Variants in POM121L12 observed in about 807,000 individuals in gnomAD.
POM121L12 encodes the protein POM121-like protein 12.
For synonymous variants in POM121L12, 251 were observed against 179.2 expected (o/e 1.40, Z -3.20); for missense variants, 553 against 409.2 (o/e 1.35, Z -3.03).
the POM121L12 span, chr7:53,036,137 C>T: frequency 1.2e-6 from 2 of 1,611,060 alleles, no homozygotes; most frequent in East Asian, 2.2e-5. Flanking sequence ...ATCCCCTGGA[C>T]AGAGAGCCCG....
At position 53,036,492 on chromosome 7, in the gene POM121L12, C is replaced by T. The variant is rs1787560502; in HGVS notation, c.821C>T (p.Ser274Phe). ...IWDFWEATTP[S>F]CGSCSRVSFA... The stretch of plus-strand genomic sequence containing the variant: ...GACTTCTGGGAGGCGACAACGCCTT[C>T]CTGCGGCAGCTGCAGTAGGGTCTCC... Residue 274 changes from serine to phenylalanine, a missense_variant, in exon 1 of 1, where the codon TCC (serine) becomes TTC (phenylalanine). Physicochemically the swap from Ser to Phe is radical, Grantham distance 155. Transcript: ENST00000408890. The T allele has an allele frequency of 1.9e-6, 3 of 1,613,992 alleles. No individual in the cohort carries two copies. The highest frequency in any genetic ancestry group is 4.5e-5 in the East Asian group (2 of 44,882).
rs1043821644 is a variant in POM121L12, at chr7:53,036,134, G to A, written c.463G>A (p.Gly155Arg). The A allele has an allele frequency of 2.5e-6, 4 of 1,611,090 alleles. No individual in the cohort carries two copies. In the South Asian group the frequency reaches 3.3e-5, roughly 13 times the overall value. Residue 155 changes from glycine (G) to arginine (R), a missense_variant, in exon 1 of 1, where the codon GGA becomes AGA. Coordinates refer to ENST00000408890, the MANE Select transcript of POM121L12 (RefSeq NM_182595.4). ...ERQESPWRSP[G>R]QRARPAGRPA... ...TCAGGAGAGCCCCTGGAGATCCCCTGGACAGAGAGCCCGCCCCGCAGGCCG... is the reference window on the plus strand; with the variant it reads ...TCAGGAGAGCCCCTGGAGATCCCCTAGACAGAGAGCCCGCCCCGCAGGCCG...
At position 53,036,750 on chromosome 7, in the gene POM121L12, T is replaced by A; in HGVS notation, c.*188T>A. On this transcript the variant is annotated 3_prime_UTR_variant, in exon 1 of 1. Transcript: ENST00000408890. ...CCTGCCACCCCAGCAGCTGTTGATTTCAGAACCCTTGCCTTCGCCCTGCTG... is the reference window on the plus strand; with the variant it reads ...CCTGCCACCCCAGCAGCTGTTGATTACAGAACCCTTGCCTTCGCCCTGCTG... 1.6e-6 allele frequency: 1 copy of A among 633,934 alleles called. No individual in the cohort carries two copies. The highest frequency in any genetic ancestry group is 2.7e-6 in the Non-Finnish European group (1 of 367,854). 39.3% of individuals were successfully genotyped at this position (633,934 alleles called of 1,614,324 possible). A position where few individuals can be genotyped will look rare whatever the true frequency, so the allele number is the denominator to read the frequency against.
rs753041771 is a variant in POM121L12 at position 53,035,803 on chromosome 7, A to G, written c.132A>G (p.Pro44=). The stretch of plus-strand genomic sequence containing the variant: ...CACCCAGCACGCCCCAGACCACGCC[A>G]TCTCCCCAGGGTCGCCAGAGTCCCT... ...SRSPSTPQTT[P]SPQGRQSPWP... Residue 44 remains proline (P), a synonymous_variant, in exon 1 of 1, where the codon CCA becomes CCG. Transcript: ENST00000408890. 1.2e-6 allele frequency: 2 copies of G among 1,613,630 alleles called. No homozygotes were observed. The highest frequency in any genetic ancestry group is 2.2e-5 in the South Asian group (2 of 91,066).
Position 53,036,592 on chromosome 7 carries a change from G to C in POM121L12, c.*30G>C. The C allele has an allele frequency of 6.4e-7, 1 of 1,568,704 alleles. No individual in the cohort carries two copies. The highest frequency in any genetic ancestry group is 8.6e-7 in the Non-Finnish European group (1 of 1,158,506). On this transcript the variant is annotated 3_prime_UTR_variant, in exon 1 of 1. Coordinates refer to ENST00000408890, the MANE Select transcript of POM121L12 (RefSeq NM_182595.4). ...CTGGGCTCTGCTACCCACCTCCGGA[G>C]ACACAAGCCCACGTATCTACTTTCA...
In POM121L12 at chr7:53,036,035, G is replaced by A. The variant is rs148025564; in HGVS notation, c.364G>A (p.Gly122Arg). 1.9e-6 allele frequency: 3 copies of A among 1,612,964 alleles called. No homozygotes were observed. Among genetic ancestry groups the A allele is most frequent in the Non-Finnish European group, 2.5e-6 (3 of 1,179,876 alleles). Residue 122 changes from glycine (G) to arginine (R), a missense_variant, in exon 1 of 1, where the codon GGG becomes AGG. Coordinates refer to ENST00000408890, the MANE Select transcript of POM121L12 (RefSeq NM_182595.4). ...LSCAWEGCMK[G>R]GLCRAWNPGR... is the part of the protein sequence containing the mutation. Reference sequence around the variant, plus strand: ...CTGTGCCTGGGAGGGTTGCATGAAAGGGGGGCTGTGTCGTGCCTGGAACCC... The same window carrying A: ...CTGTGCCTGGGAGGGTTGCATGAAAAGGGGGCTGTGTCGTGCCTGGAACCC...
Position 53,036,487 on chromosome 7 carries a change from G to A in POM121L12, c.816G>A (p.Thr272=), listed in dbSNP as rs184306248. The part of the protein sequence containing the change: ...SAIWDFWEAT[T]PSCGSCSRVS... Reference sequence around the variant, plus strand: ...TCTGGGACTTCTGGGAGGCGACAACGCCTTCCTGCGGCAGCTGCAGTAGGG... The same window carrying A: ...TCTGGGACTTCTGGGAGGCGACAACACCTTCCTGCGGCAGCTGCAGTAGGG... The change falls in exon 1 of 1, where the codon ACG becomes ACA. Residue 272 remains threonine (T), a synonymous_variant. Transcript: ENST00000408890. 2,447 of 1,613,870 alleles carry A rather than the reference G, an allele frequency of 1.5e-3. 5 individuals are homozygous for A. The highest frequency in any genetic ancestry group is 1.2e-3 in the Non-Finnish European group (1,450 of 1,180,008).
chr7:53,036,100 C>G lies in POM121L12; in HGVS notation c.429C>G (p.Pro143=). The G allele has an allele frequency of 6.2e-7, 1 of 1,612,314 alleles. No homozygotes were observed. Among genetic ancestry groups the G allele is most frequent in the Non-Finnish European group, 8.5e-7 (1 of 1,179,794 alleles). Residue 143 remains proline (P), a synonymous_variant, in exon 1 of 1, where the codon CCC becomes CCG. Transcript: ENST00000408890. ...TWSPVTIGIA[P]PERQESPWRS... is the part of the protein sequence containing the mutation. Reference sequence around the variant, plus strand: ...GCCCGGTGACCATCGGGATCGCGCCCCCTGAGCGTCAGGAGAGCCCCTGGA... The same window carrying G: ...GCCCGGTGACCATCGGGATCGCGCCGCCTGAGCGTCAGGAGAGCCCCTGGA...
Position 53,036,624 on chromosome 7 carries a change from C to T in POM121L12, c.*62C>T. 1.3e-6 allele frequency: 2 copies of T among 1,515,570 alleles called. No individual in the cohort carries two copies. The highest frequency in any genetic ancestry group is 2.6e-5 in the South Asian group (2 of 77,708). The allele number at this position is 1,515,570 out of a possible 1,614,324, so 93.9% of individuals were successfully genotyped here. On this transcript the variant is annotated 3_prime_UTR_variant, in exon 1 of 1. Transcript: ENST00000408890. Reference sequence around the variant, plus strand: ...GCCCACGTATCTACTTTCACTTGCTCATCCTTGCTCTACCTCAACGTGGGG... The same window carrying T: ...GCCCACGTATCTACTTTCACTTGCTTATCCTTGCTCTACCTCAACGTGGGG...
rs758862933 is a variant in POM121L12, at chr7:53,035,691, C to G, written c.20C>G (p.Ala7Gly). Residue 7 changes from alanine to glycine, a missense_variant, in exon 1 of 1, where the codon GCC (alanine) becomes GGC (glycine). Physicochemically the swap from Ala to Gly is moderately conservative, Grantham distance 60. Coordinates refer to ENST00000408890, the MANE Select transcript of POM121L12 (RefSeq NM_182595.4). ...CCAGCCATGGGCGCTGCAGCTCCGG[C>G]CGAGTCCGCAGACCTCGGGAACTTC... MGAAAP[A>G]ESADLGNFWK... 1.2e-5 allele frequency: 19 copies of G among 1,593,364 alleles called. No homozygotes were observed. The highest frequency in any genetic ancestry group is 1.5e-5 in the Non-Finnish European group (18 of 1,170,430).
rs779399045 is a variant in POM121L12, at chr7:53,036,143, G to C, written c.472G>C (p.Ala158Pro). ...CCCCTGGAGATCCCCTGGACAGAGAGCCCGCCCCGCAGGCCGCCCCGCCGC... is the reference window on the plus strand; with the variant it reads ...CCCCTGGAGATCCCCTGGACAGAGACCCCGCCCCGCAGGCCGCCCCGCCGC... ...ESPWRSPGQR[A>P]RPAGRPAAQE... The change falls in exon 1 of 1, where the codon GCC becomes CCC. Residue 158 changes from alanine (A) to proline (P), a missense_variant. Physicochemically the swap from Ala to Pro is conservative, Grantham distance 27 (BLOSUM62 -1). Transcript: ENST00000408890. 3.1e-6 allele frequency: 5 copies of C among 1,610,930 alleles called. No homozygotes were observed. The South Asian group carries it at 3.3e-5, about 11-fold the overall frequency.
rs916941544 is a variant in POM121L12 at position 53,036,217 on chromosome 7, C to A, written c.546C>A (p.Leu182=). 1.4e-5 allele frequency: 22 copies of A among 1,613,290 alleles called. No homozygotes were observed. The highest frequency in any genetic ancestry group is 1.9e-5 in the Non-Finnish European group (22 of 1,179,836). The change falls in exon 1 of 1, where the codon CTC becomes CTA. Residue 182 remains leucine, a synonymous_variant. Transcript: ENST00000408890. ...CCCGGGAGACTCTGCTGGGGGCGCTCAGCCAGTGCCCCAAGGGAAGCGCTA... is the reference window on the plus strand; with the variant it reads ...CCCGGGAGACTCTGCTGGGGGCGCTAAGCCAGTGCCCCAAGGGAAGCGCTA... ...PCTRETLLGA[L]SQCPKGSARF...
At position 53,036,670 on chromosome 7, in the gene POM121L12, A is replaced by G; in HGVS notation, c.*108A>G. ...TGGGGCCCTGACACCACGTTATCAAACATGCAGCCCCCACACCCCTCGTCT... is the reference window on the plus strand; with the variant it reads ...TGGGGCCCTGACACCACGTTATCAAGCATGCAGCCCCCACACCCCTCGTCT... On this transcript the variant is annotated 3_prime_UTR_variant, in exon 1 of 1. Transcript: ENST00000408890. 1 of 1,244,560 alleles carries G rather than the reference A, an allele frequency of 8.0e-7. No homozygotes were observed. The highest frequency in any genetic ancestry group is 2.4e-5 in the Admixed American group (1 of 41,858). 77.1% of individuals were successfully genotyped at this position (1,244,560 alleles called of 1,614,324 possible).
Position 53,036,577 on chromosome 7 carries a change from C to A in POM121L12, c.*15C>A. 4.4e-6 allele frequency: 7 copies of A among 1,588,068 alleles called. No individual in the cohort carries two copies. Among genetic ancestry groups the A allele is most frequent in the Non-Finnish European group, 6.0e-6 (7 of 1,167,518 alleles). On this transcript the variant is annotated 3_prime_UTR_variant, in exon 1 of 1. Coordinates refer to ENST00000408890, the MANE Select transcript of POM121L12 (RefSeq NM_182595.4). ...TTGGCTCCTAAGAATCTGGGCTCTG[C>A]TACCCACCTCCGGAGACACAAGCCC... is the stretch of plus-strand genomic sequence containing the variant.
chr7:53,036,402 G>A lies in POM121L12; in HGVS notation c.731G>A (p.Ser244Asn), dbSNP rs1787557801. 3.7e-6 allele frequency: 6 copies of A among 1,613,778 alleles called. No individual in the cohort carries two copies. The highest frequency in any genetic ancestry group is 5.1e-6 in the Non-Finnish European group (6 of 1,180,006). ...CTGAAGCCGAGCCTCGGCCCCTGGA[G>A]CCTCAGTTTTTGTGATGATGCTTGG... ...GPLKPSLGPWSLSFCDDAWPS... is the reference protein window; with the variant it reads ...GPLKPSLGPWNLSFCDDAWPS... Residue 244 changes from serine to asparagine, a missense_variant, in exon 1 of 1, where the codon AGC (serine) becomes AAC (asparagine). By Grantham distance (46) the Ser-to-Asn change is conservative. Transcript: ENST00000408890.
rs2116357608 is a variant in POM121L12, at chr7:53,036,403, C to T, written c.732C>T (p.Ser244=). The T allele has an allele frequency of 6.2e-7, 1 of 1,613,830 alleles. No individual in the cohort carries two copies. Among genetic ancestry groups the T allele is most frequent in the Non-Finnish European group, 8.5e-7 (1 of 1,180,026 alleles). The change falls in exon 1 of 1, where the codon AGC becomes AGT. Residue 244 remains serine (S), a synonymous_variant. Coordinates refer to ENST00000408890, the MANE Select transcript of POM121L12 (RefSeq NM_182595.4). The stretch of plus-strand genomic sequence containing the variant: ...TGAAGCCGAGCCTCGGCCCCTGGAG[C>T]CTCAGTTTTTGTGATGATGCTTGGC... The part of the protein sequence containing the change: ...GPLKPSLGPW[S]LSFCDDAWPS...
Position 53,035,836 on chromosome 7 carries a change from G to C in POM121L12, c.165G>C (p.Leu55=), listed in dbSNP as rs374979505. 4.3e-6 allele frequency: 7 copies of C among 1,613,534 alleles called. No individual in the cohort carries two copies. In the African/African-American group the frequency reaches 8.0e-5, roughly 18 times the overall value. Residue 55 remains leucine (L), a synonymous_variant, in exon 1 of 1, where the codon CTG becomes CTC. Transcript: ENST00000408890. ...AGGGTCGCCAGAGTCCCTGGCCCCTGAGGTCCCTGACTCAGAGCCATATTC... is the reference window on the plus strand; with the variant it reads ...AGGGTCGCCAGAGTCCCTGGCCCCTCAGGTCCCTGACTCAGAGCCATATTC... ...SPQGRQSPWP[L]RSLTQSHIQY...
In POM121L12 at chr7:53,036,096, C is replaced by T. The variant is rs201288573; in HGVS notation, c.425C>T (p.Ala142Val). Reference sequence around the variant, plus strand: ...TGGAGCCCGGTGACCATCGGGATCGCGCCCCCTGAGCGTCAGGAGAGCCCC... The same window carrying T: ...TGGAGCCCGGTGACCATCGGGATCGTGCCCCCTGAGCGTCAGGAGAGCCCC... ...RTWSPVTIGI[A>V]PPERQESPWR... The change falls in exon 1 of 1, where the codon GCG (alanine) becomes GTG (valine). Residue 142 changes from alanine to valine, a missense_variant. By Grantham distance (64) the Ala-to-Val change is moderately conservative. Coordinates refer to ENST00000408890, the MANE Select transcript of POM121L12 (RefSeq NM_182595.4). 191 of 1,612,362 alleles carry T rather than the reference C, an allele frequency of 1.2e-4. No homozygotes were observed. The African/African-American group carries it at 1.9e-3, about 16-fold the overall frequency.
At position 53,035,896 on chromosome 7, in the gene POM121L12, C is replaced by G. The variant is rs759865160; in HGVS notation, c.225C>G (p.Thr75=). 6.2e-7 allele frequency: 1 copy of G among 1,613,100 alleles called. No homozygotes were observed. The highest frequency in any genetic ancestry group is 1.3e-5 in the African/African-American group (1 of 74,906). ...YFQWGRPVPS[T]HLIEVRPTQD... is the part of the protein sequence containing the mutation. ...AGTGGGGGCGCCCGGTGCCCAGCAC[C>G]CACCTCATCGAGGTGCGGCCCACCC... Residue 75 remains threonine (T), a synonymous_variant, in exon 1 of 1, where the codon ACC becomes ACG. Transcript: ENST00000408890.
Sources: allele counts gnomAD v4.1 joint callset, GRCh38; gene constraint gnomAD v4.1.1; transcripts MANE v1.5; gene names NCBI Gene and HGNC (gene_info 2026-07-23, HGNC 2026-07-21).